Variants in CYYR1 observed in about 807,000 individuals in gnomAD.
CYYR1 encodes cysteine and tyrosine-rich protein 1.
In CYYR1, 14 loss-of-function variants were observed where a neutral mutation model predicts 15.2. The ratio of observed to expected loss-of-function variants is 0.92; its 90% CI spans 0.61 to 1.44. The LOEUF (loss-of-function observed/expected upper bound fraction) is 1.44, where lower values mean the gene tolerates loss of function less well. Ranked by LOEUF, CYYR1 falls within the 40% of genes most tolerant of loss-of-function variation. CYYR1 has a pLI of 0.00. For missense variants in CYYR1, 228 were observed against 209.5 expected, an observed-to-expected ratio of 1.09 and a Z score of -0.54; for synonymous variants, 80 against 77.4, an observed-to-expected ratio of 1.03 and a Z score of -0.18.
At chr21:26,562,346 T>A (rs556866296) in intron 2 of CYYR1, among the ~76,000 whole-genome samples, 2 of 152,346 alleles carry the variant, frequency 1.3e-5, no homozygotes, top group African/African-American at 4.8e-5. Flanking sequence ...CCTTCTTATC[T>A]TTGTCTATTG....
intron 2 of CYYR1, among the ~76,000 whole-genome samples, chr21:26,556,793 T>G (rs1439390597): frequency 6.6e-6 from 1 of 152,136 alleles, no homozygotes; most frequent in Non-Finnish European, 1.5e-5. Flanking sequence ...AGGATTGCAA[T>G]TCGACATGAA....
chr21:26,534,875 A>G (rs1373411420), intron 2 of CYYR1, among the ~76,000 whole-genome samples: 1 of 152,188 alleles, frequency 6.6e-6, no homozygotes, highest in Non-Finnish European at 1.5e-5. Context: ...ATAGACAGGT[A>G]CTGTAATAGT....
At chr21:26,529,525 T>C (rs2065905059) in intron 2 of CYYR1, among the ~76,000 whole-genome samples, 1 of 152,208 alleles carries the variant, frequency 6.6e-6, no homozygotes, top group Non-Finnish European at 1.5e-5. Flanking sequence ...GGATTAAATC[T>C]GTACCAAGTG....
chr21:26,520,630 T>G (rs957069649), intron 2 of CYYR1, among the ~76,000 whole-genome samples: 2 of 152,154 alleles, frequency 1.3e-5, no homozygotes, highest in African/African-American at 4.8e-5. Context: ...GTATTTCTGG[T>G]TCTAGATCCT....
intron 1 of CYYR1, chr21:26,568,623 C>A (rs1399890009): frequency 6.6e-6 from 1 of 152,136 alleles, no homozygotes; most frequent in Non-Finnish European, 1.5e-5. Flanking sequence ...TTTAATTAAA[C>A]TAAAGAGCTT....
chr21:26,478,287 G>A (rs1446306180), intron 3 of CYYR1, among the ~76,000 whole-genome samples: 1 of 151,402 alleles, frequency 6.6e-6, no homozygotes, highest in Non-Finnish European at 1.5e-5. Flanking sequence ...ATCTTAAATA[G>A]GGTGTATTAA....
At chr21:26,483,147 T>G (rs1456814974) in intron 2 of CYYR1, among the ~76,000 whole-genome samples, 3 of 152,080 alleles carry the variant, frequency 2.0e-5, no homozygotes, top group African/African-American at 7.2e-5. Flanking sequence ...TACTAAACTT[T>G]AAATTACAGT....
chr21:26,517,144 A>AAAAAAAAAAAAAG (rs1491223332), intron 2 of CYYR1, among the ~76,000 whole-genome samples: 3 of 111,444 alleles, frequency 2.7e-5, no homozygotes, highest in African/African-American at 7.2e-5. Flanking sequence ...AAAAAAAAAA[A>AAAAAAAAAAAAAG]GAATTCACTG....
intron 2 of CYYR1, among the ~76,000 whole-genome samples, chr21:26,484,736 G>A (rs540146621): frequency 3.3e-5 from 5 of 152,118 alleles, no homozygotes; most frequent in African/African-American, 1.2e-4. Context: ...TTAAGATATC[G>A]AATTGGGACA....
chr21:26,558,180 T>C (rs1979934802), intron 2 of CYYR1, among the ~76,000 whole-genome samples: 1 of 152,208 alleles, frequency 6.6e-6, no homozygotes, highest in Non-Finnish European at 1.5e-5. Flanking sequence ...TGAATCGGCA[T>C]GTTAAAAAGG....
In CYYR1 at chr21:26,503,365, A is replaced by G. The variant is rs2065508360; in HGVS notation, c.177-22936T>C. On this transcript the variant is annotated intron_variant, in intron 2 of 3. Transcript: ENST00000652641. ...TAAATAAAAACTCTACTTAAACAGT[A>G]TATTACTGAGTATTATATTTTCTTG... is the stretch of plus-strand genomic sequence containing the variant. 2.0e-5 allele frequency among the ~76,000 whole-genome samples: 3 copies of G among 152,234 alleles called. No homozygotes were observed. In the South Asian group the frequency reaches 6.2e-4, roughly 31 times the overall value.
At chr21:26,509,619 C>T (rs2065618828) in intron 2 of CYYR1, among the ~76,000 whole-genome samples, 1 of 152,196 alleles carries the variant, frequency 6.6e-6, no homozygotes, top group Non-Finnish European at 1.5e-5. Flanking sequence ...ATTTCTTCCT[C>T]AGTCAAAGCC....
At chr21:26,485,481 C>A (rs1018485429) in intron 2 of CYYR1, among the ~76,000 whole-genome samples, 2 of 152,098 alleles carry the variant, frequency 1.3e-5, no homozygotes, top group Non-Finnish European at 2.9e-5. Context: ...ATCCAACATG[C>A]CTTCTCTCTG....
In CYYR1 at chr21:26,476,768, C is replaced by A. The variant is rs150727166; in HGVS notation, c.334+3504G>T. On this transcript the variant is annotated intron_variant, in intron 3 of 3. Transcript: ENST00000652641. ...ATTTGACTTTTATATCTTTGGCAAGCCTTTTGTTACAGTTTTACTATATTA... is the reference window on the plus strand; with the variant it reads ...ATTTGACTTTTATATCTTTGGCAAGACTTTTGTTACAGTTTTACTATATTA... 2.0e-5 allele frequency among the ~76,000 whole-genome samples: 3 copies of A among 152,062 alleles called. No individual in the cohort carries two copies. In the East Asian group the frequency reaches 5.8e-4, roughly 29 times the overall value.
At chr21:26,495,985 C>G (rs772755397) in intron 2 of CYYR1, among the ~76,000 whole-genome samples, 2 of 152,082 alleles carry the variant, frequency 1.3e-5, no homozygotes, top group African/African-American at 2.4e-5. Context: ...AGCAGGGCAC[C>G]GGATTTGGTA....
At chr21:26,489,129 CAA>C (rs2065292203) in intron 2 of CYYR1, among the ~76,000 whole-genome samples, 1 of 152,134 alleles carries the variant, frequency 6.6e-6, no homozygotes, top group African/African-American at 2.4e-5. Flanking sequence ...ACCAGGAAAG[CAA>C]GAGACTGCAT....
chr21:26,538,376 T>A (rs1013516523), intron 2 of CYYR1, among the ~76,000 whole-genome samples: 1 of 152,226 alleles, frequency 6.6e-6, no homozygotes, highest in African/African-American at 2.4e-5. Flanking sequence ...GTTGATTTTT[T>A]AATTGGATCT....
chr21:26,568,003 A>T (rs1437958878), intron 1 of CYYR1: 1 of 152,232 alleles, frequency 6.6e-6, no homozygotes, highest in South Asian at 2.1e-4. Context: ...TGTGGTATGA[A>T]GGAATGAAAG....
intron 1 of CYYR1, among the ~76,000 whole-genome samples, chr21:26,566,868 G>T (rs751626767): frequency 1.3e-5 from 2 of 152,034 alleles, no homozygotes; most frequent in Admixed American, 6.5e-5. Flanking sequence ...AAGTAGCTGG[G>T]TGTCGTGGTG....
Sources: gnomAD v4.1 joint callset for allele counts (sites outside exome capture counted in the v4.1 genomes callset) on GRCh38, gnomAD v4.1.1 for gene constraint, MANE v1.5 for transcripts, NCBI Gene and HGNC (gene_info 2026-07-23, HGNC 2026-07-21) for gene names.